The following EZH1 variants were observed in gnomAD, a reference collection of about 807,000 sequenced individuals.
EZH1 encodes the protein enhancer of zeste 1 polycomb repressive complex 2 subunit.
A neutral mutation model predicts 100.5 loss-of-function variants in EZH1; 33 were observed. The observed-to-expected ratio is 0.33, with a 90% confidence interval of 0.25 to 0.44. The LOEUF is 0.44. Ranked by LOEUF, EZH1 falls within the 20% of genes least tolerant of loss-of-function variation. The pLI, the probability that EZH1 is intolerant of heterozygous loss-of-function variation, is 1.00. For missense variants in EZH1, 475 were observed against 928.4 expected (o/e 0.51, Z 6.35); for synonymous variants, 272 against 313.8 (o/e 0.87, Z 1.41).
intron 1 of EZH1, among the ~76,000 whole-genome samples, chr17:42,743,111 C>T (rs1441124049): frequency 5.9e-5 from 9 of 151,904 alleles, no homozygotes; most frequent in Non-Finnish European, 7.4e-5. Context: ...TCAAGTGATC[C>T]GCCTGCCTTG....
At position 42,728,970 on chromosome 17, in the gene EZH1, G is replaced by T; in HGVS notation, c.-11-18C>A. Reference sequence around the variant, plus strand: ...GCTGTAATCTAAGAGAGACAGAGATGAGAAATAGCATTTTATTGCCTGGAA... The same window carrying T: ...GCTGTAATCTAAGAGAGACAGAGATTAGAAATAGCATTTTATTGCCTGGAA... On this transcript the variant is annotated intron_variant, in intron 2 of 20. Transcript: ENST00000428826. 1 of 1,554,772 alleles carries T rather than the reference G, an allele frequency of 6.4e-7. No homozygotes were observed. The highest frequency in any genetic ancestry group is 1.2e-5 in the South Asian group (1 of 83,280).
At position 42,744,967 on chromosome 17, in the gene EZH1, A is replaced by G. The variant is rs773495786; in HGVS notation, c.-103+44T>C. 3.2e-6 allele frequency: 4 copies of G among 1,253,766 alleles called. No individual in the cohort carries two copies. The South Asian group carries it at 3.9e-5, about 12-fold the overall frequency. 77.7% of individuals were successfully genotyped at this position (1,253,766 alleles called of 1,614,324 possible). A position where few individuals can be genotyped will look rare whatever the true frequency, so the allele number is the denominator to read the frequency against. On this transcript the variant is annotated intron_variant, in intron 1 of 20. Coordinates refer to ENST00000428826, the MANE Select transcript of EZH1 (RefSeq NM_001991.5). ...TCAGGCCCAGGGCGGCGAGGGGAGG[A>G]GGCCCGGCCCCACCGCCCGGCCCAG...
chr17:42,740,984 A>C (rs2054165500), intron 1 of EZH1, among the ~76,000 whole-genome samples: 2 of 152,240 alleles, frequency 1.3e-5, no homozygotes, highest in Admixed American at 1.3e-4. Context: ...GACATAAAAC[A>C]AAACAAAGAA....
intron 4 of EZH1, among the ~76,000 whole-genome samples, chr17:42,726,633 T>A (rs1009876581): frequency 6.6e-6 from 1 of 151,936 alleles, no homozygotes; most frequent in Non-Finnish European, 1.5e-5. Flanking sequence ...TGCCTCAGCC[T>A]CCCTAGTAGC....
chr17:42,706,511 C>T lies in EZH1; in HGVS notation c.1661-326G>A, dbSNP rs2053356427. On this transcript the variant is annotated intron_variant, in intron 15 of 20. Transcript: ENST00000428826. The surrounding 1 kb of genome is among the most constrained non-coding windows in gnomAD (Gnocchi z 4.4). ...ACCAGGCTGGGCAACATAGGGAGAT[C>T]CTGTCTCCACAAAAAAATTAAAAAA... is the stretch of plus-strand genomic sequence containing the variant. 6.6e-6 allele frequency among the ~76,000 whole-genome samples: 1 copy of T among 151,662 alleles called. No individual in the cohort carries two copies. The highest frequency in any genetic ancestry group is 1.5e-5 in the Non-Finnish European group (1 of 67,954).
chr17:42,717,868 A>G lies in EZH1; in HGVS notation c.1023+108T>C. 3.1e-6 allele frequency: 3 copies of G among 969,996 alleles called. No individual in the cohort carries two copies. In the South Asian group the frequency reaches 4.3e-5, roughly 14 times the overall value. 60.1% of individuals were successfully genotyped at this position (969,996 alleles called of 1,614,324 possible). A position where few individuals can be genotyped will look rare whatever the true frequency, so the allele number is the denominator to read the frequency against. On this transcript the variant is annotated intron_variant, in intron 10 of 20. Transcript: ENST00000428826. ...AACTGGGGAGCTCCTTAAGAGCAAA[A>G]GCCATGTTTTATTTGTGCTATATGA...
In EZH1 at chr17:42,702,192, C is replaced by G. The variant is rs1004530491; in HGVS notation, c.*340G>C. ...ACAGGCTAGCGCTTGTTGGGAACTG[C>G]CTAAGTTGATTCCTGAGGCCACAGC... On this transcript the variant is annotated 3_prime_UTR_variant, in exon 21 of 21. Transcript: ENST00000428826. The G allele has an allele frequency of 3.9e-6, 1 of 257,224 alleles. No homozygotes were observed. Among genetic ancestry groups the G allele is most frequent in the South Asian group, 1.2e-4 (1 of 8,482 alleles). 15.9% of individuals were successfully genotyped at this position (257,224 alleles called of 1,614,324 possible).
At chr17:42,739,788 G>GTT (rs1358954270) in intron 1 of EZH1, among the ~76,000 whole-genome samples, 11 of 146,036 alleles carry the variant, frequency 7.5e-5, no homozygotes, top group African/African-American at 1.5e-4. Context: ...AACAGGATTA[G>GTT]TTTTTTTTTT....
intron 1 of EZH1, among the ~76,000 whole-genome samples, chr17:42,732,612 C>CA (rs1425951989): frequency 1.3e-5 from 2 of 152,020 alleles, no homozygotes; most frequent in African/African-American, 2.4e-5. Context: ...ACTAAAAATA[C>CA]AAAAAATTAG....
At chr17:42,713,754 C>T (rs2053537334) in intron 10 of EZH1, among the ~76,000 whole-genome samples, 3 of 152,144 alleles carry the variant, frequency 2.0e-5, no homozygotes, top group African/African-American at 7.2e-5. Context: ...TGTCACCATG[C>T]CCAGCTAATG....
Position 42,717,847 on chromosome 17 carries a change from G to A in EZH1, c.1023+129C>T, listed in dbSNP as rs2143785158. ...CCTTAAGAGCGGTCCCACAGTAACT[G>A]GGGAGCTCCTTAAGAGCAAAAGCCA... is the stretch of plus-strand genomic sequence containing the variant. On this transcript the variant is annotated intron_variant, in intron 10 of 20. Coordinates refer to ENST00000428826, the MANE Select transcript of EZH1 (RefSeq NM_001991.5). 24 of 742,148 alleles carry A rather than the reference G, an allele frequency of 3.2e-5. 2 individuals carry two copies. The South Asian group carries it at 3.9e-4, about 12-fold the overall frequency. 46.0% of individuals were successfully genotyped at this position (742,148 alleles called of 1,614,324 possible). A position where few individuals can be genotyped will look rare whatever the true frequency, so the allele number is the denominator to read the frequency against.
intron 15 of EZH1, among the ~76,000 whole-genome samples, chr17:42,707,541 G>A (rs1218200776): frequency 6.6e-6 from 1 of 152,172 alleles, no homozygotes; most frequent in Non-Finnish European, 1.5e-5. Context: ...TTATAGGCGT[G>A]AGCCACCACA....
intron 13 of EZH1, 35 bp from the exon 14 acceptor site, chr17:42,708,951 G>A (rs888426990): frequency 1.2e-6 from 2 of 1,613,414 alleles, no homozygotes; most frequent in African/African-American, 2.7e-5. Context: ...CTCAGTCACG[G>A]CCCTAGGGAG....
chr17:42,705,363 G>A (rs2053331221), intron 16 of EZH1, among the ~76,000 whole-genome samples, 180 bp from the exon 17 acceptor site: 2 of 152,206 alleles, frequency 1.3e-5, no homozygotes, highest in South Asian at 4.1e-4. Flanking sequence ...AAAATGGGAG[G>A]TGGTGACGAA....
At chr17:42,721,925 G>A (rs1456891878) in intron 6 of EZH1, among the ~76,000 whole-genome samples, 2 of 151,956 alleles carry the variant, frequency 1.3e-5, no homozygotes, top group Non-Finnish European at 2.9e-5. Flanking sequence ...GCTGAGGTGG[G>A]AGGATCACAA....
At chr17:42,734,769 G>A (rs1482824706) in intron 1 of EZH1, among the ~76,000 whole-genome samples, 2 of 152,042 alleles carry the variant, frequency 1.3e-5, no homozygotes, top group Non-Finnish European at 2.9e-5. Flanking sequence ...CAAGGTGGGC[G>A]GATCACCTGA....
chr17:42,714,938 A>T (rs928331089), intron 10 of EZH1, among the ~76,000 whole-genome samples: 29 of 137,588 alleles, frequency 2.1e-4, no homozygotes, highest in Non-Finnish European at 3.5e-4. Context: ...ATAAATATAA[A>T]ATATATATTT....
chr17:42,722,554 G>C (rs2053732146), intron 6 of EZH1, among the ~76,000 whole-genome samples: 1 of 150,204 alleles, frequency 6.7e-6, no homozygotes, highest in Non-Finnish European at 1.5e-5. Flanking sequence ...GAACCCAGGA[G>C]GCAGAGATTG....
Position 42,702,505 on chromosome 17 carries a change from T to A in EZH1, c.*27A>T, listed in dbSNP as rs745879990. The A allele has an allele frequency of 6.6e-7, 1 of 1,514,328 alleles. No homozygotes were observed. The highest frequency in any genetic ancestry group is 1.2e-5 in the South Asian group (1 of 82,812). 93.8% of individuals were successfully genotyped at this position (1,514,328 alleles called of 1,614,324 possible). ...GAAAGCCAAGACAGTGCCGCTACCATAAGTGCTGCCGTGGGGCCTGGGAGG... is the reference window on the plus strand; with the variant it reads ...GAAAGCCAAGACAGTGCCGCTACCAAAAGTGCTGCCGTGGGGCCTGGGAGG... On this transcript the variant is annotated 3_prime_UTR_variant, in exon 21 of 21. Coordinates refer to ENST00000428826, the MANE Select transcript of EZH1 (RefSeq NM_001991.5).
Sources: allele counts gnomAD v4.1 joint callset (sites outside exome capture counted in the v4.1 genomes callset), GRCh38; gene constraint gnomAD v4.1.1; non-coding constraint Gnocchi (gnomAD v3.1); transcripts MANE v1.5; gene names NCBI Gene and HGNC (gene_info 2026-07-23, HGNC 2026-07-21).